Variants in TMEM132D observed in about 807,000 individuals in gnomAD.
The protein encoded by TMEM132D is mature OL transmembrane protein.
Under a neutral mutation model 62.3 loss-of-function variants are expected in TMEM132D, and 21 were observed. The observed-to-expected ratio is 0.34, with a 90% CI of 0.24 to 0.49. The LOEUF is 0.49. Ranked by LOEUF, TMEM132D falls within the 20% of genes least tolerant of loss-of-function variation. The pLI, the probability that TMEM132D is intolerant of heterozygous loss-of-function variation, is 0.99. For missense variants in TMEM132D, 1,346 were observed against 1,402.8 expected, an observed-to-expected ratio of 0.96 and a Z score of 0.65; for synonymous variants, 621 against 575.6, an observed-to-expected ratio of 1.08 and a Z score of -1.13.
At chr12:129,197,492 GCT>G (rs1878582108) in intron 5 of TMEM132D, among the ~76,000 whole-genome samples, 2 of 152,176 alleles carry the variant, frequency 1.3e-5, no homozygotes, top group Admixed American at 1.3e-4. Flanking sequence ...ATGAATCCAT[GCT>G]TGTAAAGTCC....
At chr12:129,455,320 A>G (rs912770987) in intron 3 of TMEM132D, among the ~76,000 whole-genome samples, 10 of 152,218 alleles carry the variant, frequency 6.6e-5, no homozygotes, top group African/African-American at 1.9e-4. Flanking sequence ...ATCCTTGGAC[A>G]AGGTACTTAA....
At chr12:129,183,205 C>T (rs1219267796) in intron 5 of TMEM132D, among the ~76,000 whole-genome samples, 2 of 152,230 alleles carry the variant, frequency 1.3e-5, no homozygotes, top group African/African-American at 4.8e-5. Context: ...CAACCACCAG[C>T]AGGCCTGGTT....
chr12:129,402,969 T>C (rs1240181711), intron 3 of TMEM132D, among the ~76,000 whole-genome samples: 2 of 152,168 alleles, frequency 1.3e-5, no homozygotes, highest in Non-Finnish European at 2.9e-5. Flanking sequence ...AAACAGTAAA[T>C]TCTGCTTTGT....
At chr12:129,893,240 G>C (rs1240624166) in intron 1 of TMEM132D, among the ~76,000 whole-genome samples, 1 of 152,128 alleles carries the variant, frequency 6.6e-6, no homozygotes, top group Non-Finnish European at 1.5e-5. Flanking sequence ...TTTTGCCTCT[G>C]TAAAATGGAG....
chr12:129,873,770 AAC>A (rs765630363), intron 1 of TMEM132D, among the ~76,000 whole-genome samples: 1 of 152,236 alleles, frequency 6.6e-6, no homozygotes, highest in Non-Finnish European at 1.5e-5. Flanking sequence ...GTGGTTAAAA[AAC>A]ACACAGAGAG....
At chr12:129,469,025 C>T (rs1451791979) in intron 3 of TMEM132D, among the ~76,000 whole-genome samples, 1 of 152,142 alleles carries the variant, frequency 6.6e-6, no homozygotes, top group African/African-American at 2.4e-5. Flanking sequence ...TGCACATCAC[C>T]TAAGACATTA....
At chr12:129,140,037 A>G (rs1876693265) in intron 5 of TMEM132D, among the ~76,000 whole-genome samples, 1 of 152,054 alleles carries the variant, frequency 6.6e-6, no homozygotes, top group Non-Finnish European at 1.5e-5. Flanking sequence ...TTTTTAAATC[A>G]TCCTTGAACT....
At chr12:129,506,928 AGT>A (rs967243898) in intron 3 of TMEM132D, among the ~76,000 whole-genome samples, 4 of 152,176 alleles carry the variant, frequency 2.6e-5, no homozygotes, top group African/African-American at 9.7e-5. Flanking sequence ...GACAACCCAG[AGT>A]GGGAGATAAT....
At chr12:129,111,665 C>T (rs1314084465) in intron 5 of TMEM132D, 1 of 152,146 alleles carries the variant, frequency 6.6e-6, no homozygotes, top group Non-Finnish European at 1.5e-5. Context: ...ATTTCATCTC[C>T]CAAGGTGGGT....
chr12:129,552,384 A>C (rs1028870641), intron 2 of TMEM132D, among the ~76,000 whole-genome samples: 1 of 152,136 alleles, frequency 6.6e-6, no homozygotes, highest in East Asian at 1.9e-4. Context: ...TATATCCATT[A>C]TCTATTATCT....
intron 2 of TMEM132D, among the ~76,000 whole-genome samples, chr12:129,575,400 C>T (rs556774626): frequency 6.6e-6 from 1 of 151,862 alleles, no homozygotes; most frequent in African/African-American, 2.4e-5. Flanking sequence ...TATTGCCACT[C>T]GCTTGCATGC....
intron 2 of TMEM132D, among the ~76,000 whole-genome samples, chr12:129,575,221 C>A (rs532249588): frequency 5.3e-5 from 8 of 151,812 alleles, no homozygotes; most frequent in South Asian, 2.1e-4. Flanking sequence ...ATATAACATA[C>A]AAAATATGTT....
chr12:129,578,442 G>GTA (rs990432397), intron 2 of TMEM132D, among the ~76,000 whole-genome samples: 10 of 76,276 alleles, frequency 1.3e-4, no homozygotes, highest in South Asian at 8.4e-4. Context: ...ATATATGTAT[G>GTA]TATATATATA....
At chr12:129,114,442 TC>T (rs1875827108) in intron 5 of TMEM132D, among the ~76,000 whole-genome samples, 2 of 149,514 alleles carry the variant, frequency 1.3e-5, no homozygotes, top group South Asian at 4.3e-4. Context: ...CCTCCCTCCC[TC>T]CCTTTTCTTT....
chr12:129,503,795 T>G (rs1593041031), intron 3 of TMEM132D, among the ~76,000 whole-genome samples: 1 of 152,294 alleles, frequency 6.6e-6, no homozygotes, highest in East Asian at 1.9e-4. Context: ...CTCTCTGCAG[T>G]TACATCTGAG....
intron 5 of TMEM132D, among the ~76,000 whole-genome samples, chr12:129,101,934 A>G (rs1875321633): frequency 6.6e-6 from 1 of 152,040 alleles, no homozygotes; most frequent in South Asian, 2.1e-4. Context: ...CATGATTCAT[A>G]ATCCCCCGCT....
intron 8 of TMEM132D, among the ~76,000 whole-genome samples, chr12:129,078,112 CGCTCCAGCAG>C (rs1874338204): frequency 6.6e-6 from 1 of 152,230 alleles, no homozygotes; most frequent in Non-Finnish European, 1.5e-5. Context: ...TGTCACCCTC[CGCTCCAGCAG>C]GACCTTGGCA....
chr12:129,572,431 GTTTCTTTC>G lies in TMEM132D; in HGVS notation c.969-41234_969-41227del, dbSNP rs60151206. ...GGCCTGCACCCAGGGCAGAGGGTCT[GTTTCTTTC>G]TTTCTTTCTTTCTTTCTTTTTTTGT... On this transcript the variant is annotated intron_variant, in intron 2 of 8. Coordinates refer to ENST00000422113, the MANE Select transcript of TMEM132D (RefSeq NM_133448.3). 5.3e-5 allele frequency among the ~76,000 whole-genome samples: 8 copies of G among 150,862 alleles called. No individual in the cohort carries two copies. The South Asian group carries it at 6.3e-4, about 12-fold the overall frequency.
At chr12:129,417,743 A>G (rs1170780970) in intron 3 of TMEM132D, among the ~76,000 whole-genome samples, 1 of 152,230 alleles carries the variant, frequency 6.6e-6, no homozygotes, top group African/African-American at 2.4e-5. Flanking sequence ...AGCAAAAGAA[A>G]CTATCATCAG....
Sources: allele counts gnomAD v4.1 joint callset (sites outside exome capture counted in the v4.1 genomes callset), GRCh38; gene constraint gnomAD v4.1.1; transcripts MANE v1.5; gene names NCBI Gene and HGNC (gene_info 2026-07-23, HGNC 2026-07-21).